TRIM37: variants seen among roughly 807,000 people sequenced by gnomAD.
The protein encoded by TRIM37 is tripartite motif containing 37.
A neutral mutation model predicts 129.8 loss-of-function variants in TRIM37; 80 were observed. That is an observed-to-expected ratio of 0.62 (90% CI 0.51 to 0.74). TRIM37 has a LOEUF of 0.74. Ranked by LOEUF, TRIM37 falls within the 30% of genes least tolerant of loss-of-function variation. TRIM37 has a pLI of 0.00. For synonymous variants in TRIM37, 389 were observed against 387.1 expected, an observed-to-expected ratio of 1.00 and a Z score of -0.06; for missense variants, 1,054 against 1,176.5, an observed-to-expected ratio of 0.90 and a Z score of 1.52.
Position 59,106,780 on chromosome 17 carries a change from A to T in TRIM37, c.-319T>A. On this transcript the variant is annotated 5_prime_UTR_variant, in exon 1 of 24. Transcript: ENST00000262294. The stretch of plus-strand genomic sequence containing the variant: ...GCCCACGTGACGCGGGCGCGCGCCT[A>T]TGGAACTGACGGTGGAGTTCAGCGA... 4 of 545,732 alleles carry T rather than the reference A, an allele frequency of 7.3e-6. No individual in the cohort carries two copies. Among genetic ancestry groups the T allele is most frequent in the Non-Finnish European group, 1.3e-5 (4 of 304,918 alleles). 33.8% of individuals were successfully genotyped at this position (545,732 alleles called of 1,614,324 possible).
chr17:58,991,301 G>A (rs1276371899), intron 24 of TRIM37, among the ~76,000 whole-genome samples: 2 of 151,700 alleles, frequency 1.3e-5, no homozygotes, highest in African/African-American at 2.4e-5. Flanking sequence ...TTTGGGAGGC[G>A]AAGGTGGGTG....
chr17:59,064,148 CT>C, intron 10 of TRIM37: 1 of 520,048 alleles, frequency 1.9e-6, no homozygotes, highest in East Asian at 3.3e-5. Context: ...GAAAAGGTTC[CT>C]TTTCCCAGAC....
the TRIM37 span, among the ~76,000 whole-genome samples, chr17:58,974,307 G>A: frequency 6.6e-6 from 1 of 152,142 alleles, no homozygotes; most frequent in Non-Finnish European, 1.5e-5. Context: ...GATAGGAAAA[G>A]CATTGTGCTT....
chr17:59,047,513 C>T (rs543917013), intron 16 of TRIM37, among the ~76,000 whole-genome samples, 170 bp downstream of exon 16: 4 of 152,158 alleles, frequency 2.6e-5, no homozygotes, highest in African/African-American at 9.6e-5. Context: ...AAAGTTAAAA[C>T]ACAAACAAAA....
intron 8 of TRIM37, among the ~76,000 whole-genome samples, chr17:59,073,553 G>A (rs2042564609): frequency 6.6e-6 from 1 of 152,180 alleles, no homozygotes; most frequent in Non-Finnish European, 1.5e-5. Context: ...GCCTCTGAAA[G>A]TACTGAGATC....
At chr17:59,079,715 AAAGCAC>A (rs1177854506) in intron 7 of TRIM37, 33 bp downstream of exon 7, 2 of 1,612,986 alleles carry the variant, frequency 1.2e-6, no homozygotes, top group South Asian at 2.2e-5. Flanking sequence ...AAAGAAGCTG[AAAGCAC>A]CAGGTACCCC....
chr17:58,972,988 C>G, the TRIM37 span: 45 of 1,103,702 alleles, frequency 4.1e-5, no homozygotes, highest in Non-Finnish European at 5.7e-5. Context: ...CCTGTATCAA[C>G]TCTGATACAG....
At chr17:59,030,350 A>G (rs992359656) in intron 18 of TRIM37, among the ~76,000 whole-genome samples, 1 of 151,882 alleles carries the variant, frequency 6.6e-6, no homozygotes, top group African/African-American at 2.4e-5. Flanking sequence ...CAGGTGATCC[A>G]CCCGCCTCAG....
intron 17 of TRIM37, among the ~76,000 whole-genome samples, chr17:59,036,904 G>C (rs1757131103): frequency 1.3e-5 from 2 of 151,974 alleles, no homozygotes; most frequent in Non-Finnish European, 2.9e-5. Context: ...CTTGAGGTCA[G>C]GAGTTTGAGA....
intron 2 of TRIM37, 146 bp downstream of exon 2, chr17:59,104,147 A>T: frequency 1.5e-6 from 1 of 688,100 alleles, no homozygotes; most frequent in Non-Finnish European, 2.5e-6. Context: ...GCAATTTGTC[A>T]TTTATCTTAG....
chr17:59,094,562 A>G (rs1270444613), intron 2 of TRIM37, among the ~76,000 whole-genome samples: 2 of 152,102 alleles, frequency 1.3e-5, no homozygotes, highest in Non-Finnish European at 2.9e-5. Flanking sequence ...AAACCGCTCT[A>G]AGGGTTAGAG....
intron 20 of TRIM37, among the ~76,000 whole-genome samples, chr17:59,017,040 C>T (rs1170388350): frequency 1.3e-5 from 2 of 152,012 alleles, no homozygotes; most frequent in African/African-American, 4.8e-5. Flanking sequence ...TGGTGCACAC[C>T]TGTAGTCCCA....
chr17:59,055,326 C>G (rs1232459975), intron 13 of TRIM37, among the ~76,000 whole-genome samples: 1 of 100,084 alleles, frequency 1.0e-5, no homozygotes, highest in Non-Finnish European at 1.9e-5. Context: ...ACTAGAAACT[C>G]TGTCTCAAAA....
chr17:59,024,046 T>C (rs754399536), intron 19 of TRIM37, among the ~76,000 whole-genome samples: 1 of 151,690 alleles, frequency 6.6e-6, no homozygotes, highest in Non-Finnish European at 1.5e-5. Flanking sequence ...AAACCCCGTC[T>C]CTACTAAAAA....
chr17:59,090,773 G>A (rs950369554), intron 3 of TRIM37, among the ~76,000 whole-genome samples: 4 of 151,808 alleles, frequency 2.6e-5, no homozygotes, highest in African/African-American at 4.8e-5. Context: ...CTATAGTCGC[G>A]CGCCACCACG....
At chr17:58,974,712 A>C in the TRIM37 span, among the ~76,000 whole-genome samples, 1 of 152,218 alleles carries the variant, frequency 6.6e-6, no homozygotes, top group Admixed American at 6.5e-5. Context: ...TGGAATTCAC[A>C]TCTAGTCTCA....
At chr17:59,055,641 T>G (rs1425201230) in intron 13 of TRIM37, among the ~76,000 whole-genome samples, 1 of 131,904 alleles carries the variant, frequency 7.6e-6, no homozygotes, top group Non-Finnish European at 1.5e-5. Context: ...GAGCTTGCAG[T>G]GAGCCGATAT....
intron 22 of TRIM37, among the ~76,000 whole-genome samples, chr17:59,008,389 A>ATAAC (rs1365553153): frequency 1.3e-5 from 2 of 152,212 alleles, no homozygotes; most frequent in Admixed American, 1.3e-4. Context: ...TCCTACATGA[A>ATAAC]TAACTCCATT....
At chr17:59,032,458 G>A (rs988948266) in intron 17 of TRIM37, among the ~76,000 whole-genome samples, 1 of 149,302 alleles carries the variant, frequency 6.7e-6, no homozygotes, top group Non-Finnish European at 1.5e-5. Flanking sequence ...CCGGGAAGCG[G>A]AGCTTGCAGT....
Sources: gnomAD v4.1 joint callset for allele counts (sites outside exome capture counted in the v4.1 genomes callset) on GRCh38, gnomAD v4.1.1 for gene constraint, MANE v1.5 for transcripts, NCBI Gene and HGNC (gene_info 2026-07-23, HGNC 2026-07-21) for gene names.